The following SPATA16 variants were observed in gnomAD, a reference collection of about 807,000 sequenced individuals.
The protein encoded by SPATA16 is spermatogenesis-associated protein 16.
In SPATA16, 36 loss-of-function variants were observed where a neutral mutation model predicts 63.3. That is an observed-to-expected ratio of 0.57 (90% CI 0.44 to 0.75). SPATA16 has a LOEUF of 0.75. Ranked by LOEUF, SPATA16 falls within the 30% of genes least tolerant of loss-of-function variation. The probability of loss-of-function intolerance (pLI) is 0.00; values close to 1 mark genes in which losing one functional copy is unlikely to be tolerated. For synonymous variants in SPATA16, 203 were observed against 216.7 expected (o/e 0.94, Z 0.56); for missense variants, 646 against 679.3 (o/e 0.95, Z 0.54).
intron 4 of SPATA16, among the ~76,000 whole-genome samples, chr3:173,009,736 G>A (rs1338417880): frequency 6.6e-6 from 1 of 152,244 alleles, no homozygotes; most frequent in Non-Finnish European, 1.5e-5. Flanking sequence ...GTCATAGGCA[G>A]TTGTCCAGGT....
At chr3:172,921,031 C>A (rs569840105) in intron 8 of SPATA16, among the ~76,000 whole-genome samples, 1 of 151,340 alleles carries the variant, frequency 6.6e-6, no homozygotes, top group South Asian at 2.1e-4. Context: ...TATTTCCTAG[C>A]CATTAGTTCC....
intron 10 of SPATA16, among the ~76,000 whole-genome samples, chr3:172,909,911 G>T (rs1057328151): frequency 1.3e-5 from 2 of 152,030 alleles, no homozygotes; most frequent in African/African-American, 4.8e-5. Flanking sequence ...GAAATTAGTT[G>T]TTGTTTACAT....
At chr3:173,090,206 A>C (rs146904992) in intron 2 of SPATA16, among the ~76,000 whole-genome samples, 3 of 152,252 alleles carry the variant, frequency 2.0e-5, no homozygotes, top group Admixed American at 2.0e-4. Context: ...CACTGTTCTC[A>C]TGATAGTGAG....
In SPATA16 at chr3:172,945,944, A is replaced by G. The variant is rs549655404; in HGVS notation, c.1081+10733T>C. 3.3e-5 allele frequency among the ~76,000 whole-genome samples: 5 copies of G among 152,212 alleles called. No homozygotes were observed. In the East Asian group the frequency reaches 7.7e-4, roughly 24 times the overall value. ...GAGTTCTTGTGTCACCTCTCCCCCA[A>G]CCACAGGTAGTACAGCTCACAGCTC... On this transcript the variant is annotated intron_variant, in intron 6 of 10. Transcript: ENST00000351008.
intron 4 of SPATA16, among the ~76,000 whole-genome samples, chr3:172,986,969 G>A (rs563682271): frequency 2.0e-5 from 3 of 152,294 alleles, no homozygotes; most frequent in South Asian, 4.1e-4. Context: ...AGGAATGTGA[G>A]AAGACATTTA....
At chr3:173,120,662 A>G (rs1479881235) in intron 1 of SPATA16, among the ~76,000 whole-genome samples, 1 of 152,138 alleles carries the variant, frequency 6.6e-6, no homozygotes. Context: ...AGTTATCTTT[A>G]TAGCCATTTC....
chr3:173,137,822 A>AGCACACAC (rs1738588482), intron 1 of SPATA16, among the ~76,000 whole-genome samples: 1 of 122,210 alleles, frequency 8.2e-6, no homozygotes, highest in Non-Finnish European at 1.7e-5. Context: ...ATGGACTCTC[A>AGCACACAC]ACACACACAC....
rs182587648 is a variant in SPATA16 at position 172,974,259 on chromosome 3, T to C, written c.933+2709A>G. On this transcript the variant is annotated intron_variant, in intron 5 of 10. Transcript: ENST00000351008. ...AATAACCAACTAAAATGGTATGGAT[T>C]TTATAGGGTTGAAAAGGAAGATATA... Among the ~76,000 whole-genome samples the C allele has an allele frequency of 2.6e-5, 4 of 152,232 alleles. No homozygotes were observed. In the East Asian group the frequency reaches 7.7e-4, roughly 29 times the overall value.
intron 2 of SPATA16, among the ~76,000 whole-genome samples, chr3:173,111,393 G>A (rs1737746887): frequency 1.3e-5 from 2 of 152,124 alleles, no homozygotes; most frequent in African/African-American, 4.8e-5. Context: ...CTGGGTGACA[G>A]AGCCAGACTC....
chr3:173,061,817 C>T (rs1179748715), intron 2 of SPATA16, among the ~76,000 whole-genome samples: 1 of 152,092 alleles, frequency 6.6e-6, no homozygotes, highest in Non-Finnish European at 1.5e-5. Flanking sequence ...CTGGGAGCGA[C>T]AGAATATGTA....
intron 4 of SPATA16, among the ~76,000 whole-genome samples, chr3:173,016,501 G>T (rs1381779203): frequency 6.6e-6 from 1 of 152,166 alleles, no homozygotes; most frequent in African/African-American, 2.4e-5. Flanking sequence ...ATGGGCTGAT[G>T]CATTTCCTTT....
chr3:172,896,525 C>T (rs887895648), intron 10 of SPATA16, among the ~76,000 whole-genome samples: 8 of 152,086 alleles, frequency 5.3e-5, no homozygotes, highest in Non-Finnish European at 8.8e-5. Context: ...CCGAAACTGC[C>T]GTATTATTTT....
At chr3:172,953,823 G>A (rs1287476167) in intron 6 of SPATA16, among the ~76,000 whole-genome samples, 6 of 152,186 alleles carry the variant, frequency 3.9e-5, no homozygotes, top group Non-Finnish European at 8.8e-5. Context: ...GGAGAAGGAA[G>A]CTGGTGAATG....
chr3:172,938,050 A>G (rs893875102), intron 6 of SPATA16, among the ~76,000 whole-genome samples: 1 of 152,196 alleles, frequency 6.6e-6, no homozygotes, highest in Non-Finnish European at 1.5e-5. Context: ...CAAGCCACGT[A>G]AGATTGGCTT....
chr3:172,997,089 A>G (rs1734710280), intron 4 of SPATA16, among the ~76,000 whole-genome samples: 1 of 152,182 alleles, frequency 6.6e-6, no homozygotes, highest in African/African-American at 2.4e-5. Context: ...AAGCTGCTAT[A>G]AATATCAGTG....
chr3:172,997,277 T>A (rs1189624250), intron 4 of SPATA16, among the ~76,000 whole-genome samples: 1 of 152,114 alleles, frequency 6.6e-6, no homozygotes, highest in African/African-American at 2.4e-5. Context: ...GCATTTGGTG[T>A]TGTCAGTGTT....
At chr3:172,903,265 G>T (rs1334587165) in intron 10 of SPATA16, among the ~76,000 whole-genome samples, 1 of 152,188 alleles carries the variant, frequency 6.6e-6, no homozygotes, top group Non-Finnish European at 1.5e-5. Flanking sequence ...TGAGATATAT[G>T]TTTCCACTCC....
chr3:173,108,374 G>T (rs1469973692), intron 2 of SPATA16, among the ~76,000 whole-genome samples: 2 of 152,026 alleles, frequency 1.3e-5, no homozygotes, highest in African/African-American at 2.4e-5. Flanking sequence ...TTTTTAAATA[G>T]CTTTGTATAT....
At chr3:173,110,559 G>A (rs1737725375) in intron 2 of SPATA16, among the ~76,000 whole-genome samples, 1 of 152,158 alleles carries the variant, frequency 6.6e-6, no homozygotes, top group African/African-American at 2.4e-5. Context: ...TGAGGTACTT[G>A]AGAAGTACAG....
Sources: allele counts gnomAD v4.1 joint callset (sites outside exome capture counted in the v4.1 genomes callset), GRCh38; gene constraint gnomAD v4.1.1; transcripts MANE v1.5; gene names NCBI Gene and HGNC (gene_info 2026-07-23, HGNC 2026-07-21).